Variants in CSMD2 observed in about 807,000 individuals in gnomAD.
The protein encoded by CSMD2 is CUB and sushi domain-containing protein 2.
Under a neutral mutation model 398.5 loss-of-function variants are expected in CSMD2, and 130 were observed. That is an observed-to-expected ratio of 0.33 (90% CI 0.28 to 0.38). The LOEUF (loss-of-function observed/expected upper bound fraction) is 0.38. Among genes scored for constraint, CSMD2 ranks in the 10% least tolerant of loss-of-function variants. CSMD2 has a pLI of 1.00. For synonymous variants in CSMD2, 1,828 were observed against 1,908.5 expected (o/e 0.96, Z 1.10); for missense variants, 3,829 against 4,764.9 (o/e 0.80, Z 5.78).
In CSMD2 at chr1:33,536,286, C is replaced by G. The variant is rs560098800; in HGVS notation, c.9879+736G>C. Among the ~76,000 whole-genome samples the G allele has an allele frequency of 6.4e-4, 98 of 152,228 alleles. 1 individual carries two copies. The highest frequency in any genetic ancestry group is 2.1e-3 in the African/African-American group (88 of 41,522). On this transcript the variant is annotated intron_variant, in intron 62 of 70. Transcript: ENST00000373381. ...TTGCCCAGGCTGGAGTGCAGTGGTGCGATCTTGGCTCACTGCAAGCTCCGC... is the reference window on the plus strand; with the variant it reads ...TTGCCCAGGCTGGAGTGCAGTGGTGGGATCTTGGCTCACTGCAAGCTCCGC...
At chr1:33,967,248 C>T (rs561369327) in intron 3 of CSMD2, among the ~76,000 whole-genome samples, 2 of 148,268 alleles carry the variant, frequency 1.3e-5, no homozygotes, top group South Asian at 2.1e-4. Flanking sequence ...TAAGTACACA[C>T]TTCACAGACT....
At chr1:33,772,834 T>G in intron 12 of CSMD2, 83 bp from the exon 13 acceptor site, 2 of 1,170,562 alleles carry the variant, frequency 1.7e-6, no homozygotes, top group Non-Finnish European at 2.4e-6. Flanking sequence ...TGACAAGCTC[T>G]ACTGCTCTTC....
At chr1:33,719,909 G>A (rs552044715) in intron 19 of CSMD2, among the ~76,000 whole-genome samples, 9 of 152,294 alleles carry the variant, frequency 5.9e-5, no homozygotes, top group African/African-American at 1.4e-4. Context: ...TCTAACTCCC[G>A]GAAAGCCTCA....
intron 2 of CSMD2, among the ~76,000 whole-genome samples, chr1:34,061,744 G>A (rs1654534203): frequency 6.6e-6 from 1 of 152,186 alleles, no homozygotes; most frequent in South Asian, 2.1e-4. Flanking sequence ...TTACTCAGAT[G>A]AGTGAAAGAG....
At chr1:33,897,638 A>G (rs1291233476) in intron 5 of CSMD2, among the ~76,000 whole-genome samples, 1 of 152,190 alleles carries the variant, frequency 6.6e-6, no homozygotes, top group African/African-American at 2.4e-5. Flanking sequence ...CCGGGTGACA[A>G]CAGAGCCAGG....
chr1:33,617,299 T>C (rs1230433300), intron 38 of CSMD2, among the ~76,000 whole-genome samples, 200 bp downstream of exon 38: 1 of 152,204 alleles, frequency 6.6e-6, no homozygotes, highest in Non-Finnish European at 1.5e-5. Flanking sequence ...CAGGAACACA[T>C]TGGAGGTTGG....
rs1173584504 is a variant in CSMD2, at chr1:33,559,698, A to G, written c.8381-225T>C. 6.6e-6 allele frequency among the ~76,000 whole-genome samples: 1 copy of G among 151,900 alleles called. No homozygotes were observed. Among genetic ancestry groups the G allele is most frequent in the Non-Finnish European group, 1.5e-5 (1 of 67,970 alleles). ...TGGACAACTTGAGATCAATCATTCT[A>G]TGACTTCCCATAGGGTGTTAGGACT... On this transcript the variant is annotated intron_variant, in intron 53 of 70. Coordinates refer to ENST00000373381, the MANE Select transcript of CSMD2 (RefSeq NM_001281956.2). The surrounding 1 kb of genome is among the most constrained non-coding windows in gnomAD (Gnocchi z 4.0).
intron 3 of CSMD2, among the ~76,000 whole-genome samples, chr1:33,969,976 C>T (rs1645697860): frequency 6.6e-6 from 1 of 152,092 alleles, no homozygotes; most frequent in Admixed American, 6.5e-5. Flanking sequence ...CGTGGTGGTG[C>T]ATGCCTGTAA....
chr1:33,660,044 G>T (rs1186461928), intron 26 of CSMD2, among the ~76,000 whole-genome samples: 4 of 152,188 alleles, frequency 2.6e-5, no homozygotes, highest in Admixed American at 2.6e-4. Context: ...TGTTCCCCTA[G>T]AAGAAAAATA....
At position 33,515,572 on chromosome 1, in the gene CSMD2, G is replaced by C. The variant is rs1487092184; in HGVS notation, c.*1052C>G. 2 of 152,194 alleles carry C rather than the reference G, an allele frequency of 1.3e-5. No individual in the cohort carries two copies. Among genetic ancestry groups the C allele is most frequent in the Non-Finnish European group, 2.9e-5 (2 of 68,038 alleles). 9.4% of individuals were successfully genotyped at this position (152,194 alleles called of 1,614,324 possible). On this transcript the variant is annotated 3_prime_UTR_variant, in exon 71 of 71. Transcript: ENST00000373381. ...TTTGCAGGCTTCTGTTTTCTCATCT[G>C]TCAAAGGGGAATAACAAATCCTACA...
At chr1:33,720,257 G>A (rs1245873034) in intron 19 of CSMD2, among the ~76,000 whole-genome samples, 1 of 152,198 alleles carries the variant, frequency 6.6e-6, no homozygotes, top group East Asian at 1.9e-4. Context: ...CAGGAAACAA[G>A]ACAGACCTAT....
In CSMD2 at chr1:33,772,619, A is replaced by G. The variant is rs1362898633; in HGVS notation, c.1796T>C (p.Ile599Thr). The change falls in exon 13 of 71, where the codon ATC (isoleucine) becomes ACC (threonine). Residue 599 changes from isoleucine to threonine, a missense_variant. Ile to Thr is a moderately conservative substitution (Grantham distance 89). Transcript: ENST00000373381. The stretch of plus-strand genomic sequence containing the variant: ...CCATTGGTTATTCTTTTGGCATGTG[A>G]TTGCCTTCTGTCCCACCAGCTCAAA... ...PAFELVGQKAITCQKNNQWSA... is the reference protein window; with the variant it reads ...PAFELVGQKATTCQKNNQWSA... 1.9e-6 allele frequency: 3 copies of G among 1,613,892 alleles called. No individual in the cohort carries two copies. The Middle Eastern group carries it at 4.9e-4, about 265-fold the overall frequency.
chr1:33,740,735 G>A (rs540150378), intron 14 of CSMD2, among the ~76,000 whole-genome samples: 1 of 152,334 alleles, frequency 6.6e-6, no homozygotes, highest in South Asian at 2.1e-4. Flanking sequence ...GATGCTTGGG[G>A]CCCAGAAGTC....
At chr1:33,618,713 G>A (rs1557631272) in intron 37 of CSMD2, among the ~76,000 whole-genome samples, 2 of 151,914 alleles carry the variant, frequency 1.3e-5, no homozygotes, top group South Asian at 2.1e-4. Context: ...GCAAGGCTGG[G>A]GCCCATTGGT....
intron 2 of CSMD2, among the ~76,000 whole-genome samples, chr1:34,038,263 G>A (rs894480344): frequency 1.3e-5 from 2 of 152,082 alleles, no homozygotes; most frequent in African/African-American, 4.8e-5. Context: ...AAAGGAGTGA[G>A]GTATCCTTCA....
chr1:33,573,636 G>A (rs12065081), intron 49 of CSMD2, among the ~76,000 whole-genome samples: 1,788 of 152,136 alleles, frequency 0.012, 32 homozygotes, highest in African/African-American at 0.041. Flanking sequence ...AAAAGAGACC[G>A]AAAATGAGAG....
chr1:33,757,473 C>T (rs115621659), intron 13 of CSMD2, among the ~76,000 whole-genome samples: 155 of 152,228 alleles, frequency 1.0e-3, no homozygotes, highest in African/African-American at 3.7e-3. Flanking sequence ...GGAATGTTCC[C>T]TGGCATTAAC....
chr1:34,017,010 C>G (rs1648224965), intron 3 of CSMD2, among the ~76,000 whole-genome samples: 3 of 152,082 alleles, frequency 2.0e-5, no homozygotes, highest in Non-Finnish European at 4.4e-5. Context: ...TGTTTTCTTT[C>G]TTAGTGGTGC....
chr1:33,911,090 T>C (rs1297202485), intron 5 of CSMD2, among the ~76,000 whole-genome samples: 1 of 152,218 alleles, frequency 6.6e-6, no homozygotes, highest in Non-Finnish European at 1.5e-5. Flanking sequence ...AGTGCTTGGC[T>C]ATTACATAAA....
Sources: gnomAD v4.1 joint callset for allele counts (sites outside exome capture counted in the v4.1 genomes callset) on GRCh38, gnomAD v4.1.1 for gene constraint, Gnocchi (gnomAD v3.1) non-coding constraint, MANE v1.5 for transcripts, NCBI Gene and HGNC (gene_info 2026-07-23, HGNC 2026-07-21) for gene names.